Variants in HMCN1 observed in about 807,000 individuals in gnomAD.
The protein encoded by HMCN1 is hemicentin 1.
In HMCN1, 321 loss-of-function variants were observed where a neutral mutation model predicts 625.9. The observed-to-expected ratio is 0.51, with a 90% CI of 0.47 to 0.56. The LOEUF is 0.56. Among genes scored for constraint, HMCN1 ranks in the 20% least tolerant of loss-of-function variants. The probability of loss-of-function intolerance (pLI) is 0.00; values close to 1 mark genes in which losing one functional copy is unlikely to be tolerated. For missense variants in HMCN1, 6,588 were observed against 6,887.3 expected, an observed-to-expected ratio of 0.96 and a Z score of 1.54; for synonymous variants, 2,425 against 2,417.6, an observed-to-expected ratio of 1.00 and a Z score of -0.09.
intron 6 of HMCN1, among the ~76,000 whole-genome samples, chr1:185,921,434 C>T (rs1667000216): frequency 1.3e-5 from 2 of 152,110 alleles, no homozygotes; most frequent in African/African-American, 4.8e-5. Context: ...CTGGAAGTGG[C>T]CCACTGGTAA....
At chr1:185,935,545 AT>A (rs1310116575) in intron 11 of HMCN1, among the ~76,000 whole-genome samples, 2 of 152,122 alleles carry the variant, frequency 1.3e-5, no homozygotes, top group African/African-American at 4.8e-5. Flanking sequence ...TTATCCAACA[AT>A]TTTAAAAAGT....
chr1:186,105,267 A>AATTAAAT (rs533177938), intron 69 of HMCN1, among the ~76,000 whole-genome samples: 144 of 152,250 alleles, frequency 9.5e-4, no homozygotes, highest in African/African-American at 3.4e-3. Context: ...GGAAGTGGAA[A>AATTAAAT]ATTAAATATC....
intron 44 of HMCN1, among the ~76,000 whole-genome samples, chr1:186,054,452 C>T (rs976948024): frequency 1.3e-5 from 2 of 151,842 alleles, no homozygotes; most frequent in Non-Finnish European, 2.9e-5. Flanking sequence ...AATTTAAGCT[C>T]CAAGAGGTTT....
intron 11 of HMCN1, among the ~76,000 whole-genome samples, chr1:185,948,494 A>G (rs1192789683): frequency 4.0e-5 from 6 of 150,752 alleles, no homozygotes; most frequent in Admixed American, 2.0e-4. Flanking sequence ...CAAGGTGCTC[A>G]GTGGGGGTGC....
intron 1 of HMCN1, among the ~76,000 whole-genome samples, chr1:185,814,342 G>A (rs1659713537): frequency 6.6e-6 from 1 of 152,114 alleles, no homozygotes; most frequent in African/African-American, 2.4e-5. Flanking sequence ...AAAAATTAGT[G>A]CTAGAAACAG....
At chr1:186,127,791 A>G (rs554212902) in intron 82 of HMCN1, among the ~76,000 whole-genome samples, 29 of 152,284 alleles carry the variant, frequency 1.9e-4, no homozygotes, top group African/African-American at 7.0e-4. Context: ...TGCAATGCAG[A>G]GCAGCAATAC....
At chr1:186,185,143 A>G (rs944489296) in intron 105 of HMCN1, among the ~76,000 whole-genome samples, 2 of 152,200 alleles carry the variant, frequency 1.3e-5, no homozygotes, top group African/African-American at 4.8e-5. Context: ...CCCAATGAAA[A>G]TATATCATAA....
At chr1:185,934,873 A>G (rs750170114) in intron 11 of HMCN1, among the ~76,000 whole-genome samples, 1 of 152,178 alleles carries the variant, frequency 6.6e-6, no homozygotes, top group Non-Finnish European at 1.5e-5. Flanking sequence ...CGAAACTACC[A>G]TGAGAATTAA....
chr1:186,050,049 A>C (rs1027623714), intron 42 of HMCN1, among the ~76,000 whole-genome samples: 1 of 151,510 alleles, frequency 6.6e-6, no homozygotes, highest in East Asian at 1.9e-4. Context: ...TTTCTTTCAG[A>C]TGGGAAAAAT....
chr1:186,029,279 AC>A (rs1442473782), intron 36 of HMCN1, among the ~76,000 whole-genome samples: 1 of 152,112 alleles, frequency 6.6e-6, no homozygotes, highest in Non-Finnish European at 1.5e-5. Context: ...ATCAAATCAG[AC>A]TATCTGATTT....
In HMCN1 at chr1:185,864,477, G is replaced by C. The variant is rs1261914269; in HGVS notation, c.347G>C (p.Gly116Ala). The C allele has an allele frequency of 6.2e-7, 1 of 1,613,914 alleles. No individual in the cohort carries two copies. The highest frequency in any genetic ancestry group is 8.5e-7 in the Non-Finnish European group (1 of 1,179,900). The change falls in exon 3 of 107, where the codon GGT (glycine) becomes GCT (alanine). Residue 116 changes from glycine (G) to alanine (A), a missense_variant. Gly to Ala is a moderately conservative substitution (Grantham distance 60, BLOSUM62 0). Around this residue, in one of 3 missense-constraint regions of HMCN1, gnomAD observed 4,628 missense variants for 4,853.1 expected, o/e 0.95. Coordinates refer to ENST00000271588, the MANE Select transcript of HMCN1 (RefSeq NM_031935.3). Reference protein sequence around the residue: ...ELRELYVQGGGDCPEMSIGAI... With the variant: ...ELRELYVQGGADCPEMSIGAI... The stretch of plus-strand genomic sequence containing the variant: ...TTTCTCTCCACTCAACAGGGTGGTG[G>C]TGATTGCCCAGAAATGAGTATTGGA...
At position 185,743,977 on chromosome 1, in the gene HMCN1, GTTTTGTTTTTTTT is replaced by G. The variant is rs776029327; in HGVS notation, c.268+8935_268+8947del. Among the ~76,000 whole-genome samples the G allele has an allele frequency of 2.0e-3, 199 of 99,768 alleles. 4 individuals are homozygous for G. The East Asian group carries it at 0.041, about 20-fold the overall frequency. 65.5% of individuals were successfully genotyped at this position (99,768 alleles called of 152,430 possible). On this transcript the variant is annotated intron_variant, in intron 1 of 106. Transcript: ENST00000271588. Reference sequence around the variant, plus strand: ...AAAGATTCTACTTGATGACTTTACTGTTTTGTTTTTTTTTTTTTTTTTTTTTTTTGAGACGGAG... The same window carrying G: ...AAAGATTCTACTTGATGACTTTACTGTTTTTTTTTTTTTTTTGAGACGGAG...
At chr1:186,116,272 A>G (rs868649662) in intron 75 of HMCN1, among the ~76,000 whole-genome samples, 5 of 152,094 alleles carry the variant, frequency 3.3e-5, no homozygotes, top group African/African-American at 7.2e-5. Flanking sequence ...AATCATTTCT[A>G]TCATGCACAG....
rs1650145458 is a variant in HMCN1 at position 186,144,283 on chromosome 1, G to T, written c.14035G>T (p.Gly4679Trp). Reference sequence around the variant, plus strand: ...TAATAACCCACCACCAGCGTTTGGTGGGTCCTACTGTGATGGAGCAGAAAC... The same window carrying T: ...TAATAACCCACCACCAGCGTTTGGTTGGTCCTACTGTGATGGAGCAGAAAC... ...LCNNPPPAFGGSYCDGAETQM... is the reference protein window; with the variant it reads ...LCNNPPPAFGWSYCDGAETQM... The change falls in exon 90 of 107, where the codon GGG becomes TGG. Residue 4679 changes from glycine to tryptophan, a missense_variant. Gly to Trp is a radical substitution (Grantham distance 184, BLOSUM62 -2). Coordinates refer to ENST00000271588, the MANE Select transcript of HMCN1 (RefSeq NM_031935.3). 1 of 1,613,910 alleles carries T rather than the reference G, an allele frequency of 6.2e-7. No homozygotes were observed. Among genetic ancestry groups the T allele is most frequent in the Admixed American group, 1.7e-5 (1 of 59,988 alleles).
At chr1:185,921,159 A>G (rs2102472906) in intron 6 of HMCN1, among the ~76,000 whole-genome samples, 1 of 152,350 alleles carries the variant, frequency 6.6e-6, no homozygotes, top group East Asian at 1.9e-4. Context: ...ACACTTACAC[A>G]TATAATCTTT....
chr1:186,037,153 T>A (rs528561565), intron 36 of HMCN1, among the ~76,000 whole-genome samples: 17 of 152,108 alleles, frequency 1.1e-4, no homozygotes, highest in African/African-American at 4.1e-4. Context: ...ATCCTTAAAA[T>A]GTGTTTTTTT....
chr1:185,855,283 A>G (rs1662396856), intron 2 of HMCN1, among the ~76,000 whole-genome samples: 1 of 152,206 alleles, frequency 6.6e-6, no homozygotes. Context: ...AGGTCACAAT[A>G]AAAAGATACC....
Position 186,069,668 on chromosome 1 carries a change from A to G in HMCN1, c.7885A>G (p.Arg2629Gly). 6.2e-7 allele frequency: 1 copy of G among 1,609,336 alleles called. No homozygotes were observed. The highest frequency in any genetic ancestry group is 8.5e-7 in the Non-Finnish European group (1 of 1,176,936). The change falls in exon 51 of 107, where the codon AGA becomes GGA. Residue 2629 changes from arginine (R) to glycine (G), a missense_variant. Physicochemically the swap from Arg to Gly is moderately radical, Grantham distance 125. This residue lies in a region of HMCN1 where 4,628 missense variants were observed against 4,853.1 expected (regional missense o/e 0.95). Transcript: ENST00000271588. ...NRNIRILPGG[R>G]TLQILNAQED... ...GATGTCCCATGATTTTACAGGAGGC[A>G]GAACTCTGCAGATCCTCAATGCACA...
In HMCN1 at chr1:186,135,061, G is replaced by T. The variant is rs1044655343; in HGVS notation, c.13313-1607G>T. 4.6e-5 allele frequency among the ~76,000 whole-genome samples: 7 copies of T among 152,144 alleles called. No individual in the cohort carries two copies. The South Asian group carries it at 6.2e-4, about 14-fold the overall frequency. ...CCAAGTGTTCTCCCCTCTCCTCTCT[G>T]TTCAAATAACCTTACTTATTTTTGA... On this transcript the variant is annotated intron_variant, in intron 86 of 106. Coordinates refer to ENST00000271588, the MANE Select transcript of HMCN1 (RefSeq NM_031935.3).
Sources: allele counts gnomAD v4.1 joint callset (sites outside exome capture counted in the v4.1 genomes callset), GRCh38; gene constraint gnomAD v4.1.1; regional missense constraint gnomAD v4.1.1; transcripts MANE v1.5; gene names NCBI Gene and HGNC (gene_info 2026-07-23, HGNC 2026-07-21).